SCAMP5: variants seen among roughly 807,000 people sequenced by gnomAD.
The protein encoded by SCAMP5 is secretory carrier membrane protein 5, also known as secretory carrier-associated membrane protein 5.
A neutral mutation model predicts 28.3 loss-of-function variants in SCAMP5; 7 were observed. That is an observed-to-expected ratio of 0.25 (90% CI 0.14 to 0.46). The LOEUF is 0.46. Among genes scored for constraint, SCAMP5 ranks in the 20% least tolerant of loss-of-function variants. The pLI is 0.99. For missense variants in SCAMP5, 192 were observed against 312.5 expected (o/e 0.61, Z 2.91); for synonymous variants, 117 against 116.4 (o/e 1.00, Z -0.03).
rs1482874754 is a variant in SCAMP5 at position 75,019,253 on chromosome 15, T to C, written c.*270T>C. 9 of 249,466 alleles carry C rather than the reference T, an allele frequency of 3.6e-5. 1 individual carries two copies. The highest frequency in any genetic ancestry group is 7.5e-6 in the Non-Finnish European group (1 of 133,558). The allele number at this position is 249,466 out of a possible 1,614,324, so 15.5% of individuals were successfully genotyped here. ...GTGTCTGTGTCCCCTCGTGAAATAG[T>C]GTGCAGTGGAGGTCTCTTGTGGTGC... On this transcript the variant is annotated 3_prime_UTR_variant, in exon 7 of 7. Coordinates refer to ENST00000425597, the MANE Select transcript of SCAMP5 (RefSeq NM_138967.4).
Position 75,002,389 on chromosome 15 carries a change from C to T in SCAMP5, c.-49+6716C>T, listed in dbSNP as rs190677718. Among the ~76,000 whole-genome samples the T allele has an allele frequency of 1.4e-3, 206 of 152,008 alleles. 1 individual carries two copies. The highest frequency in any genetic ancestry group is 6.8e-3 in the Middle Eastern group (2 of 294). On this transcript the variant is annotated intron_variant, in intron 1 of 6. Transcript: ENST00000425597. ...ATCCTACACATCTCTGGCTTATTTC[C>T]ACCTAAAATGACCCCCAGCTGCAGC...
At chr15:75,003,565 G>A (rs1443554273) in intron 1 of SCAMP5, among the ~76,000 whole-genome samples, 3 of 152,292 alleles carry the variant, frequency 2.0e-5, no homozygotes, top group East Asian at 1.9e-4. Flanking sequence ...ATCTCAGCAC[G>A]TTGGGAAGCC....
intron 1 of SCAMP5, among the ~76,000 whole-genome samples, chr15:75,005,696 A>G (rs1017435648): frequency 9.9e-5 from 15 of 152,144 alleles, no homozygotes; most frequent in African/African-American, 3.6e-4. Context: ...CCTTCTGTGC[A>G]CAGCATAGCA....
At chr15:74,998,524 C>T (rs752268090) in intron 1 of SCAMP5, among the ~76,000 whole-genome samples, 3 of 150,766 alleles carry the variant, frequency 2.0e-5, no homozygotes, top group Non-Finnish European at 2.9e-5. Context: ...GAGAATAGTT[C>T]GAACTTGGGT....
intron 1 of SCAMP5, among the ~76,000 whole-genome samples, chr15:75,005,243 A>C (rs2065745405): frequency 6.6e-6 from 1 of 151,824 alleles, no homozygotes; most frequent in Non-Finnish European, 1.5e-5. Context: ...CAGGCAGATC[A>C]CCTGAGGTCG....
intron 3 of SCAMP5, 34 bp downstream of exon 3, chr15:75,012,839 G>T (rs1224770378): frequency 1.2e-6 from 2 of 1,612,398 alleles, no homozygotes; most frequent in Non-Finnish European, 1.7e-6. Context: ...GGCCAGGGTG[G>T]CTGGAGGAGG....
chr15:74,997,998 G>T (rs8030362), intron 1 of SCAMP5, among the ~76,000 whole-genome samples: 9,776 of 152,206 alleles, frequency 0.064, 986 homozygotes, highest in African/African-American at 0.21. Context: ...AGGGATGAGG[G>T]GCCCATACTG....
chr15:75,015,947 GAAAT>G (rs2065856084), intron 3 of SCAMP5, among the ~76,000 whole-genome samples: 1 of 124,836 alleles, frequency 8.0e-6, no homozygotes, highest in African/African-American at 3.0e-5. Context: ...AAAAAAAAAA[GAAAT>G]AGATTAGATA....
chr15:75,011,050 T>A (rs888226200), intron 1 of SCAMP5, among the ~76,000 whole-genome samples: 1 of 151,864 alleles, frequency 6.6e-6, no homozygotes, highest in African/African-American at 2.4e-5. Context: ...CAAAAAAATA[T>A]AAAAATTAGC....
intron 1 of SCAMP5, among the ~76,000 whole-genome samples, chr15:74,997,642 C>G (rs1032386728): frequency 6.6e-6 from 1 of 152,102 alleles, no homozygotes; most frequent in Non-Finnish European, 1.5e-5. Context: ...GCACTGGAAG[C>G]AGAGGGGGCG....
At chr15:75,017,249 G>A (rs766373205) in intron 4 of SCAMP5, among the ~76,000 whole-genome samples, 1 of 152,188 alleles carries the variant, frequency 6.6e-6, no homozygotes, top group Non-Finnish European at 1.5e-5. Context: ...AGTGGGGCTT[G>A]CTGTCTTGGT....
chr15:75,003,857 C>T (rs2065731804), intron 1 of SCAMP5, among the ~76,000 whole-genome samples: 2 of 151,976 alleles, frequency 1.3e-5, no homozygotes, highest in African/African-American at 2.4e-5. Flanking sequence ...GTATACCCTT[C>T]TCCCATCAAT....
chr15:75,007,956 T>A (rs1185533307), intron 1 of SCAMP5, among the ~76,000 whole-genome samples: 2 of 152,168 alleles, frequency 1.3e-5, no homozygotes, highest in Non-Finnish European at 2.9e-5. Flanking sequence ...TGCCTTGGTG[T>A]CTCAAAGTGC....
chr15:75,016,728 G>A lies in SCAMP5; in HGVS notation c.272G>A (p.Arg91Gln), dbSNP rs1460493462. The A allele has an allele frequency of 6.2e-6, 10 of 1,613,614 alleles. No individual in the cohort carries two copies. The highest frequency in any genetic ancestry group is 3.3e-5 in the Admixed American group (2 of 59,984). Residue 91 changes from arginine (R) to glutamine (Q), a missense_variant, in exon 4 of 7, where the codon CGG becomes CAG. Transcript: ENST00000425597. The stretch of plus-strand genomic sequence containing the variant: ...CCCTGCTCCTACGTCTGCTGGTTTC[G>A]GCCCATTTACAAGGCCTTCAAGTAA... ...FTPCSYVCWF[R>Q]PIYKAFKTDS...
chr15:75,009,557 G>A (rs571838789), intron 1 of SCAMP5, among the ~76,000 whole-genome samples: 5 of 151,226 alleles, frequency 3.3e-5, no homozygotes, highest in Non-Finnish European at 7.4e-5. Context: ...GCTCACTGCA[G>A]CCTCTACCTC....
At chr15:75,008,225 GT>G in intron 1 of SCAMP5, among the ~76,000 whole-genome samples, 1 of 151,834 alleles carries the variant, frequency 6.6e-6, no homozygotes, top group Non-Finnish European at 1.5e-5. Context: ...ATGTGTACAA[GT>G]ATATTAAAAA....
intron 1 of SCAMP5, 113 bp downstream of exon 1, chr15:74,995,786 A>C (rs921212946): frequency 6.6e-6 from 1 of 152,542 alleles, no homozygotes; most frequent in Non-Finnish European, 1.5e-5. Context: ...TCACCTTTGG[A>C]TGCAGGAAGA....
In SCAMP5 at chr15:75,001,983, G is replaced by A. The variant is rs796813005; in HGVS notation, c.-49+6310G>A. Among the ~76,000 whole-genome samples, 8 of 151,516 alleles carry A rather than the reference G, an allele frequency of 5.3e-5. 1 individual carries two copies. The highest frequency in any genetic ancestry group is 1.9e-4 in the African/African-American group (8 of 41,298). On this transcript the variant is annotated intron_variant, in intron 1 of 6. Transcript: ENST00000425597. Reference sequence around the variant, plus strand: ...TAGCTAGGCATGGTGGCACGCATCTGTAGTCCCAGCTACTTGGGTGGCTGA... The same window carrying A: ...TAGCTAGGCATGGTGGCACGCATCTATAGTCCCAGCTACTTGGGTGGCTGA...
At position 75,003,854 on chromosome 15, in the gene SCAMP5, C is replaced by T. The variant is rs144712146; in HGVS notation, c.-48-7938C>T. Among the ~76,000 whole-genome samples the T allele has an allele frequency of 3.2e-3, 480 of 151,984 alleles. 2 individuals carry two copies. Among genetic ancestry groups the T allele is most frequent in the African/African-American group, 0.011 (461 of 41,486 alleles). ...ATAATGCAGTGAACAACTGTATACCCTTCTCCCATCAATTATTAACATTTT... is the reference window on the plus strand; with the variant it reads ...ATAATGCAGTGAACAACTGTATACCTTTCTCCCATCAATTATTAACATTTT... On this transcript the variant is annotated intron_variant, in intron 1 of 6. Transcript: ENST00000425597.
Sources: allele counts gnomAD v4.1 joint callset (sites outside exome capture counted in the v4.1 genomes callset), GRCh38; gene constraint gnomAD v4.1.1; transcripts MANE v1.5; gene names NCBI Gene and HGNC (gene_info 2026-07-23, HGNC 2026-07-21).